DLGAP3: variants seen among roughly 807,000 people sequenced by gnomAD.
The protein encoded by DLGAP3 is DLG associated protein 3, also known as disks large-associated protein 3.
DLGAP3 carries 17 observed loss-of-function variants against 81.2 expected under a neutral mutation model. The ratio of observed to expected loss-of-function variants is 0.21; its 90% CI spans 0.14 to 0.31. DLGAP3 has a LOEUF of 0.31. DLGAP3 is among the 10% of genes least tolerant of loss of function. The pLI, the probability that DLGAP3 is intolerant of heterozygous loss-of-function variation, is 1.00. For missense variants in DLGAP3, 1,124 were observed against 1,388.0 expected (o/e 0.81, Z 3.02); for synonymous variants, 577 against 587.4 (o/e 0.98, Z 0.26).
chr1:34,871,167 C>A (rs932918642), intron 8 of DLGAP3, among the ~76,000 whole-genome samples: 5 of 152,128 alleles, frequency 3.3e-5, no homozygotes, highest in African/African-American at 1.2e-4. Flanking sequence ...CAGCCCCCTA[C>A]TACCAACAAG....
At position 34,926,361 on chromosome 1, in the gene DLGAP3, A is replaced by G. The variant is rs563096050; in HGVS notation, c.-135+3090T>C. ...TGATGAGCTGGCACCTCGTTACCAT[A>G]ACGATGGTGCCACTGCCTCACCCCA... is the stretch of plus-strand genomic sequence containing the variant. On this transcript the variant is annotated intron_variant, in intron 1 of 11. Coordinates refer to ENST00000373347, the MANE Select transcript of DLGAP3 (RefSeq NM_001080418.3). Among the ~76,000 whole-genome samples, 101 of 152,280 alleles carry G rather than the reference A, an allele frequency of 6.6e-4. 1 individual carries two copies. The highest frequency in any genetic ancestry group is 2.3e-3 in the African/African-American group (96 of 41,562).
At position 34,905,361 on chromosome 1, in the gene DLGAP3, C is replaced by T. The variant is rs777705397; in HGVS notation, c.23G>A (p.Arg8Gln). MRGYHGD[R>Q]GSHPRPARFA... ...GCGGGCTGGGCGGGGATGGCTGCCT[C>T]GGTCGCCATGGTAACCCCTCATGGC... The change falls in exon 3 of 12, where the codon CGA (arginine) becomes CAA (glutamine). Residue 8 changes from arginine (R) to glutamine (Q), a missense_variant. Coordinates refer to ENST00000373347, the MANE Select transcript of DLGAP3 (RefSeq NM_001080418.3). The T allele has an allele frequency of 1.4e-5, 21 of 1,555,134 alleles. No individual in the cohort carries two copies. The highest frequency in any genetic ancestry group is 2.7e-5 in the African/African-American group (2 of 73,380).
intron 5 of DLGAP3, among the ~76,000 whole-genome samples, chr1:34,887,933 G>T (rs942257555): frequency 6.6e-6 from 1 of 152,206 alleles, no homozygotes; most frequent in Admixed American, 6.5e-5. Context: ...GCATGCGAAG[G>T]TCTCAGGGCC....
Position 34,906,016 on chromosome 1 carries a change from T to TTTTTTATATATATATATA in DLGAP3, c.-51-583_-51-582insTATATATATATATAAAAA, listed in dbSNP as rs60469155. 4.6e-4 allele frequency among the ~76,000 whole-genome samples: 30 copies of TTTTTTATATATATATATA among 64,808 alleles called. 4 individuals are homozygous for TTTTTTATATATATATATA. The highest frequency in any genetic ancestry group is 8.9e-4 in the Non-Finnish European group (26 of 29,086). The allele number at this position is 64,808 out of a possible 152,430, so 42.5% of individuals were successfully genotyped here. A position where few individuals can be genotyped will look rare whatever the true frequency, so the allele number is the denominator to read the frequency against. On this transcript the variant is annotated intron_variant, in intron 2 of 11. Transcript: ENST00000373347. The stretch of plus-strand genomic sequence containing the variant: ...ACAGAGCGAGACCTGGCCTCTAAAT[T>TTTTTTATATATATATATA]TATATATATATATATATTTGTTTGT...
chr1:34,883,687 T>C (rs1419102165), intron 8 of DLGAP3, among the ~76,000 whole-genome samples: 1 of 152,072 alleles, frequency 6.6e-6, no homozygotes, highest in African/African-American at 2.4e-5. Context: ...CAGGGCAGCA[T>C]TATGCCACCC....
chr1:34,915,329 G>T (rs1639700393), intron 1 of DLGAP3, among the ~76,000 whole-genome samples: 1 of 152,210 alleles, frequency 6.6e-6, no homozygotes, highest in Admixed American at 6.5e-5. Flanking sequence ...TCATTTGTAT[G>T]TGATTTGGAC....
In DLGAP3 at chr1:34,865,907, G is replaced by A. The variant is rs761133415; in HGVS notation, c.*176C>T. The A allele has an allele frequency of 1.4e-6, 1 of 701,620 alleles. No individual in the cohort carries two copies. Among genetic ancestry groups the A allele is most frequent in the African/African-American group, 1.8e-5 (1 of 55,500 alleles). The allele number at this position is 701,620 out of a possible 1,614,324, so 43.5% of individuals were successfully genotyped here. Reference sequence around the variant, plus strand: ...CCCCCTGCCCAGCCCGGGCGCCTTCGCGTGGGATCAGGAAGGTAAAAAACC... The same window carrying A: ...CCCCCTGCCCAGCCCGGGCGCCTTCACGTGGGATCAGGAAGGTAAAAAACC... On this transcript the variant is annotated 3_prime_UTR_variant, in exon 12 of 12. Coordinates refer to ENST00000373347, the MANE Select transcript of DLGAP3 (RefSeq NM_001080418.3).
At chr1:34,898,185 A>G (rs1569634622) in intron 5 of DLGAP3, among the ~76,000 whole-genome samples, 2 of 152,368 alleles carry the variant, frequency 1.3e-5, no homozygotes, top group East Asian at 3.9e-4. Flanking sequence ...ATGAGCCCAG[A>G]CAAGATCACC....
intron 5 of DLGAP3, among the ~76,000 whole-genome samples, chr1:34,897,439 G>C (rs563393263): frequency 6.6e-6 from 1 of 152,252 alleles, no homozygotes; most frequent in South Asian, 2.1e-4. Flanking sequence ...GGAGTGGCTG[G>C]GAAGGGGACA....
At chr1:34,890,152 C>G (rs116491110) in intron 5 of DLGAP3, among the ~76,000 whole-genome samples, 104 of 152,334 alleles carry the variant, frequency 6.8e-4, no homozygotes, top group African/African-American at 2.3e-3. Context: ...TACCTACAAG[C>G]TGGTCCTCAC....
intron 5 of DLGAP3, among the ~76,000 whole-genome samples, chr1:34,899,042 G>C (rs1171492838): frequency 6.6e-5 from 10 of 151,900 alleles, no homozygotes; most frequent in Admixed American, 5.2e-4. Context: ...GATCATGTCT[G>C]AGGCTGCAGC....
At chr1:34,923,294 G>A (rs1194837518) in intron 1 of DLGAP3, among the ~76,000 whole-genome samples, 1 of 152,164 alleles carries the variant, frequency 6.6e-6, no homozygotes, top group Non-Finnish European at 1.5e-5. Flanking sequence ...CTTCCCTAGA[G>A]GGGAGCTTCA....
In DLGAP3 at chr1:34,904,685, GTGGTGGTGATGGTGGTGGTGA is replaced by G; in HGVS notation, c.678_698del (p.His228_His234del). 1 of 1,613,956 alleles carries G rather than the reference GTGGTGGTGATGGTGGTGGTGA, an allele frequency of 6.2e-7. No individual in the cohort carries two copies. The highest frequency in any genetic ancestry group is 8.5e-7 in the Non-Finnish European group (1 of 1,179,994). ...TCCTCTTGCCGTGCCGGGACTGGTGGTGGTGGTGATGGTGGTGGTGATGGTGGTGATGGGAGGTGTGGGGGC... is the reference window on the plus strand; with the variant it reads ...TCCTCTTGCCGTGCCGGGACTGGTGGTGGTGGTGATGGGAGGTGTGGGGGC... On this transcript the variant is annotated inframe_deletion, in exon 3 of 12. Coordinates refer to ENST00000373347, the MANE Select transcript of DLGAP3 (RefSeq NM_001080418.3). The surrounding 1 kb of genome is among the most constrained non-coding windows in gnomAD (Gnocchi z 8.1).
intron 5 of DLGAP3, 52 bp downstream of exon 5, chr1:34,899,617 G>T: frequency 6.9e-7 from 1 of 1,448,348 alleles, no homozygotes; most frequent in Non-Finnish European, 9.7e-7. Flanking sequence ...CTGAGCATGG[G>T]ACTGAATCCC....
In DLGAP3 at chr1:34,897,112, GA is replaced by G. The variant is rs578237930; in HGVS notation, c.1386+2556del. Among the ~76,000 whole-genome samples, 66 of 149,018 alleles carry G rather than the reference GA, an allele frequency of 4.4e-4. 1 individual carries two copies. The South Asian group carries it at 8.5e-3, about 19-fold the overall frequency. On this transcript the variant is annotated intron_variant, in intron 5 of 11. Coordinates refer to ENST00000373347, the MANE Select transcript of DLGAP3 (RefSeq NM_001080418.3). ...AAGGTGTTTTAGGCAAATACTAAAC[GA>G]AAAAAAAATAGACTGAAGAGGAAAA...
At chr1:34,872,357 C>T (rs1383904883) in intron 8 of DLGAP3, among the ~76,000 whole-genome samples, 2 of 152,118 alleles carry the variant, frequency 1.3e-5, no homozygotes, top group Non-Finnish European at 2.9e-5. Context: ...AGCAGGTTGT[C>T]AGGAGGTGGA....
intron 1 of DLGAP3, among the ~76,000 whole-genome samples, chr1:34,912,478 C>T (rs755484016): frequency 6.6e-6 from 1 of 152,194 alleles, no homozygotes; most frequent in African/African-American, 2.4e-5. Context: ...TCTGGGAGAG[C>T]TACAAGCTGG....
At chr1:34,875,201 C>T (rs1407601414) in intron 8 of DLGAP3, among the ~76,000 whole-genome samples, 2 of 152,158 alleles carry the variant, frequency 1.3e-5, no homozygotes, top group Non-Finnish European at 2.9e-5. Context: ...GCCATTCTTT[C>T]AGCACATACC....
rs1201948844 is a variant in DLGAP3 at position 34,865,609 on chromosome 1, G to C, written c.*474C>G. On this transcript the variant is annotated 3_prime_UTR_variant, in exon 12 of 12. Transcript: ENST00000373347. ...CTGTGGTCCCTGGGCCCAGTGGGCA[G>C]AGGGCTGAGGATGGAGCCCCTGGGA... 4.1e-6 allele frequency: 1 copy of C among 243,296 alleles called. No individual in the cohort carries two copies. The highest frequency in any genetic ancestry group is 5.6e-5 in the Admixed American group (1 of 17,722). 15.1% of individuals were successfully genotyped at this position (243,296 alleles called of 1,614,324 possible).
Sources: allele counts gnomAD v4.1 joint callset (sites outside exome capture counted in the v4.1 genomes callset), GRCh38; gene constraint gnomAD v4.1.1; non-coding constraint Gnocchi (gnomAD v3.1); transcripts MANE v1.5; gene names NCBI Gene and HGNC (gene_info 2026-07-23, HGNC 2026-07-21).